SAMSN1: variants seen among roughly 807,000 people sequenced by gnomAD.
The protein encoded by SAMSN1 is SAM domain-containing protein SAMSN-1.
Under a neutral mutation model 42.0 loss-of-function variants are expected in SAMSN1, and 31 were observed. That is an observed-to-expected ratio of 0.74 (90% CI 0.55 to 1.00). SAMSN1 has a LOEUF of 1.00. SAMSN1 is among the 50% of genes least tolerant of loss of function. The probability of loss-of-function intolerance (pLI) is 0.00; values close to 1 mark genes in which losing one functional copy is unlikely to be tolerated. For synonymous variants in SAMSN1, 178 were observed against 151.9 expected, an observed-to-expected ratio of 1.17 and a Z score of -1.26; for missense variants, 464 against 439.4, an observed-to-expected ratio of 1.06 and a Z score of -0.50.
chr21:14,502,573 A>C (rs1225573138), intron 5 of SAMSN1, among the ~76,000 whole-genome samples: 1 of 152,112 alleles, frequency 6.6e-6, no homozygotes, highest in Non-Finnish European at 1.5e-5. Context: ...GCTCCACAAA[A>C]ACTCACCTCA....
chr21:14,530,208 T>C (rs1979159744), intron 1 of SAMSN1, among the ~76,000 whole-genome samples: 1 of 151,292 alleles, frequency 6.6e-6, no homozygotes, highest in African/African-American at 2.4e-5. Flanking sequence ...TCCCAGCTAC[T>C]TGGGAGGCTG....
chr21:14,602,212 C>T (rs577579521), intron 5 of SAMSN1: 6 of 362,134 alleles, frequency 1.7e-5, no homozygotes, highest in East Asian at 7.7e-5. Context: ...ATTACATTGG[C>T]TACGTCAAAA....
At position 14,500,717 on chromosome 21, in the gene SAMSN1, T is replaced by C; in HGVS notation, c.580A>G (p.Ile194Val). The C allele has an allele frequency of 6.2e-7, 1 of 1,613,594 alleles. No individual in the cohort carries two copies. The highest frequency in any genetic ancestry group is 1.1e-5 in the South Asian group (1 of 91,072). ...ATCCCCATTGGTGTTTTGCAAATAA[T>C]GTCTATGATGTCTCCTTTCTAAGGG... ...LKIKKGDIID[I>V]ICKTPMGMWT... is the part of the protein sequence containing the mutation. Residue 194 changes from isoleucine to valine, a missense_variant, in exon 6 of 8, where the codon ATT becomes GTT. Coordinates refer to ENST00000400566, the MANE Select transcript of SAMSN1 (RefSeq NM_022136.5).
chr21:14,577,531 T>C (rs969985484), intron 2 of SAMSN1, among the ~76,000 whole-genome samples: 1 of 151,936 alleles, frequency 6.6e-6, no homozygotes, highest in African/African-American at 2.4e-5. Context: ...TTTGTCTCCT[T>C]CACAGCCCAC....
At chr21:14,597,819 A>G (rs1172880825) in intron 6 of SAMSN1, 1 of 152,184 alleles carries the variant, frequency 6.6e-6, no homozygotes, top group Non-Finnish European at 1.5e-5. Flanking sequence ...CGGCTGGAAG[A>G]CAGCTGCTGA....
At chr21:14,500,851 CAGAA>C (rs1987123657) in intron 5 of SAMSN1, 116 bp from the exon 6 acceptor site, 3 of 807,402 alleles carry the variant, frequency 3.7e-6, no homozygotes, top group Non-Finnish European at 6.0e-6. Context: ...TCAGATATAA[CAGAA>C]ACAAATCTAA....
intron 2 of SAMSN1, among the ~76,000 whole-genome samples, chr21:14,635,891 A>C (rs1983455708): frequency 6.6e-6 from 1 of 152,016 alleles, no homozygotes; most frequent in Non-Finnish European, 1.5e-5. Context: ...TACATGTGCC[A>C]TGTTGGTTTG....
upstream of SAMSN1, chr21:14,546,386 C>G: frequency 6.8e-7 from 1 of 1,465,016 alleles, no homozygotes; most frequent in Non-Finnish European, 9.0e-7. Flanking sequence ...CTGCCACTTC[C>G]TCCTTCAGTC....
intron 1 of SAMSN1, among the ~76,000 whole-genome samples, chr21:14,543,370 A>G (rs936149358): frequency 6.6e-6 from 1 of 152,212 alleles, no homozygotes; most frequent in Non-Finnish European, 1.5e-5. Flanking sequence ...AACACTACAC[A>G]TGGTAAAACT....
chr21:14,612,203 C>T (rs1383996362), intron 4 of SAMSN1, among the ~76,000 whole-genome samples: 1 of 152,140 alleles, frequency 6.6e-6, no homozygotes, highest in Non-Finnish European at 1.5e-5. Flanking sequence ...ATTGCATTTC[C>T]AGCCCGGCAA....
intron 1 of SAMSN1, among the ~76,000 whole-genome samples, chr21:14,530,304 G>A (rs1322984658): frequency 7.3e-5 from 9 of 123,242 alleles, no homozygotes; most frequent in East Asian, 2.5e-4. Flanking sequence ...GCAACAGAGC[G>A]AGACTCCGTC....
At chr21:14,620,995 T>C (rs1982987323) in intron 2 of SAMSN1, among the ~76,000 whole-genome samples, 1 of 152,232 alleles carries the variant, frequency 6.6e-6, no homozygotes, top group Non-Finnish European at 1.5e-5. Flanking sequence ...AATATTAAAA[T>C]ACAGTGATTC....
intron 2 of SAMSN1, among the ~76,000 whole-genome samples, chr21:14,558,968 C>T (rs760673924): frequency 6.6e-6 from 1 of 152,134 alleles, no homozygotes; most frequent in Non-Finnish European, 1.5e-5. Flanking sequence ...TCTGAACCCA[C>T]GAGTTTTCCT....
rs1376125273 is a variant in SAMSN1 at position 14,512,551 on chromosome 21, G to A, written c.302C>T (p.Ala101Val). Reference sequence around the variant, plus strand: ...AGGGTCACTGTTTCTATATGGGTGGGCATTCTCTCCATCTTCCTCATCCTT... The same window carrying A: ...AGGGTCACTGTTTCTATATGGGTGGACATTCTCTCCATCTTCCTCATCCTT... ...EEKDEEDGEN[A>V]HPYRNSDPVI... Residue 101 changes from alanine (A) to valine (V), a missense_variant, in exon 4 of 8, where the codon GCC becomes GTC. Physicochemically the swap from Ala to Val is moderately conservative, Grantham distance 64. Transcript: ENST00000400566. 1 of 1,613,704 alleles carries A rather than the reference G, an allele frequency of 6.2e-7. No homozygotes were observed. The highest frequency in any genetic ancestry group is 8.5e-7 in the Non-Finnish European group (1 of 1,179,782).
At chr21:14,569,165 C>A (rs1259709425) in intron 2 of SAMSN1, among the ~76,000 whole-genome samples, 1 of 151,876 alleles carries the variant, frequency 6.6e-6, no homozygotes, top group Middle Eastern at 3.2e-3. Flanking sequence ...CGTGTTGTTG[C>A]ATGCCTATAG....
intron 3 of SAMSN1, among the ~76,000 whole-genome samples, chr21:14,615,483 G>C (rs76337047): frequency 6.6e-6 from 1 of 151,998 alleles, no homozygotes. Flanking sequence ...CCCATAAACC[G>C]GCTTCCTGCC....
chr21:14,546,430 T>C, upstream of SAMSN1: 3 of 1,177,854 alleles, frequency 2.5e-6, no homozygotes, highest in Non-Finnish European at 3.4e-6. Flanking sequence ...TGGGTAATTT[T>C]TTTTTCTTAC....
In SAMSN1 at chr21:14,546,275, T is replaced by A. The variant is rs776765325; in HGVS notation, c.-14A>T. The A allele has an allele frequency of 1.2e-6, 2 of 1,613,308 alleles. No individual in the cohort carries two copies. Among genetic ancestry groups the A allele is most frequent in the Non-Finnish European group, 1.7e-6 (2 of 1,179,552 alleles). ...TCTCTTGAGCATTTTGAATTCTGAC[T>A]ACTCCTAGTGAGTGCACTTTCTGCT... On this transcript the variant is annotated 5_prime_UTR_variant, in exon 1 of 8. Transcript: ENST00000400566.
intron 1 of SAMSN1, among the ~76,000 whole-genome samples, chr21:14,646,984 GA>G (rs2123388656): frequency 6.6e-6 from 1 of 152,218 alleles, no homozygotes; most frequent in Non-Finnish European, 1.5e-5. Flanking sequence ...ACTAGACAAA[GA>G]CAGGAAGGAG....
Sources: allele counts gnomAD v4.1 joint callset (sites outside exome capture counted in the v4.1 genomes callset), GRCh38; gene constraint gnomAD v4.1.1; transcripts MANE v1.5; gene names NCBI Gene and HGNC (gene_info 2026-07-23, HGNC 2026-07-21).